Variants in SYNE2 observed in about 807,000 individuals in gnomAD.
The protein encoded by SYNE2 is spectrin repeat containing nuclear envelope protein 2.
Under a neutral mutation model 856.3 loss-of-function variants are expected in SYNE2, and 431 were observed. The observed-to-expected ratio is 0.50, with a 90% CI of 0.47 to 0.55. The LOEUF is 0.55. Ranked by LOEUF, SYNE2 falls within the 20% of genes least tolerant of loss-of-function variation. The probability of loss-of-function intolerance (pLI) is 0.00; values close to 1 mark genes in which losing one functional copy is unlikely to be tolerated. For synonymous variants in SYNE2, 2,923 were observed against 2,872.3 expected (o/e 1.02, Z -0.56); for missense variants, 8,129 against 8,023.2 (o/e 1.01, Z -0.50).
In SYNE2 at chr14:63,769,624, G is replaced by A. The variant is rs553378695; in HGVS notation, c.-305+7638G>A. Among the ~76,000 whole-genome samples, 214 of 142,966 alleles carry A rather than the reference G, an allele frequency of 1.5e-3. 1 individual carries two copies. In the Middle Eastern group the frequency reaches 0.023, roughly 15 times the overall value. 93.8% of individuals were successfully genotyped at this position (142,966 alleles called of 152,430 possible). ...GTGGAGTTTGCAGTGAGTCGAGATC[G>A]CGCCACTGCACTCCAGCCTGGGCAA... On this transcript the variant is annotated intron_variant, in intron 1 of 23. Coordinates refer to the SYNE2 transcript ENST00000674003.
intron 31 of SYNE2, 22 bp from the exon 32 acceptor site, chr14:64,009,944 T>C (rs1401109430): frequency 6.2e-7 from 1 of 1,606,544 alleles, no homozygotes; most frequent in Non-Finnish European, 8.5e-7. Flanking sequence ...CATTTAGCTA[T>C]TGTATATTTT....
chr14:63,992,910 C>G (rs188695764), intron 21 of SYNE2, among the ~76,000 whole-genome samples: 23 of 152,278 alleles, frequency 1.5e-4, no homozygotes, highest in Admixed American at 1.5e-3. Context: ...AGTGAATGAG[C>G]GAATTCCCAC....
At chr14:63,952,270 CA>C (rs2096174447) in intron 7 of SYNE2, among the ~76,000 whole-genome samples, 2 of 152,194 alleles carry the variant, frequency 1.3e-5, no homozygotes, top group African/African-American at 2.4e-5. Context: ...CAGTGCCTGC[CA>C]GTCAGTGCAG....
chr14:64,127,961 A>G (rs574244398), intron 73 of SYNE2, among the ~76,000 whole-genome samples: 53 of 152,356 alleles, frequency 3.5e-4, no homozygotes, highest in Non-Finnish European at 6.3e-4. Context: ...GCAGGTTAAG[A>G]GAGATCTAAG....
Position 64,125,099 on chromosome 14 carries a change from T to C in SYNE2, c.13443T>C (p.Ile4481=). The change falls in exon 71 of 116, where the codon ATT becomes ATC. Residue 4481 remains isoleucine (I), a synonymous_variant. Transcript: ENST00000555002. ...AATAGGTTTCCACAAATATGGGTAT[T>C]CTACCCAGCGTGACTATGTATAACT... is the stretch of plus-strand genomic sequence containing the variant. ...VEPQVSTNMG[I]LPSVTMYNFR... 6.2e-7 allele frequency: 1 copy of C among 1,614,156 alleles called. No homozygotes were observed. The highest frequency in any genetic ancestry group is 8.5e-7 in the Non-Finnish European group (1 of 1,180,008).
intron 54 of SYNE2, among the ~76,000 whole-genome samples, chr14:64,076,474 A>G (rs910799261): frequency 1.3e-5 from 2 of 152,192 alleles, no homozygotes; most frequent in Non-Finnish European, 2.9e-5. Flanking sequence ...TGACATTACA[A>G]CTAAGGCAAT....
rs144314071 is a variant in SYNE2 at position 63,977,491 on chromosome 14, C to T, written c.1294-414C>T. Among the ~76,000 whole-genome samples, 1,509 of 152,258 alleles carry T rather than the reference C, an allele frequency of 9.9e-3. 26 individuals are homozygous for T. Among genetic ancestry groups the T allele is most frequent in the African/African-American group, 0.034 (1,426 of 41,564 alleles). Reference sequence around the variant, plus strand: ...CCTCCCATAGTGCTGGGATTACAGGCGTGAGCCACCACGCCCAGCCAAAAA... The same window carrying T: ...CCTCCCATAGTGCTGGGATTACAGGTGTGAGCCACCACGCCCAGCCAAAAA... On this transcript the variant is annotated intron_variant, in intron 12 of 115. Coordinates refer to ENST00000555002, the MANE Select transcript of SYNE2 (RefSeq NM_182914.3).
At chr14:64,146,594 C>T (rs1462860998) in intron 84 of SYNE2, among the ~76,000 whole-genome samples, 1 of 152,162 alleles carries the variant, frequency 6.6e-6, no homozygotes, top group Non-Finnish European at 1.5e-5. Flanking sequence ...TTTAGCATTT[C>T]ATTCTGTGTT....
At chr14:63,935,724 T>G (rs1211437485) in intron 2 of SYNE2, among the ~76,000 whole-genome samples, 1 of 152,116 alleles carries the variant, frequency 6.6e-6, no homozygotes, top group Non-Finnish European at 1.5e-5. Flanking sequence ...TTAAAAACAT[T>G]ATTATTAGGT....
intron 1 of SYNE2, among the ~76,000 whole-genome samples, chr14:63,817,680 A>G (rs1889048627): frequency 6.6e-6 from 1 of 152,176 alleles, no homozygotes; most frequent in Admixed American, 6.6e-5. Flanking sequence ...TAATCTCTCA[A>G]TACATGCAGA....
At chr14:64,144,052 A>C (rs776145895) in intron 83 of SYNE2, 104 bp downstream of exon 83, 5 of 1,344,402 alleles carry the variant, frequency 3.7e-6, no homozygotes, top group Non-Finnish European at 5.3e-6. Flanking sequence ...TATTAAGCCT[A>C]ATAATCATCT....
intron 1 of SYNE2, among the ~76,000 whole-genome samples, chr14:63,875,980 C>T (rs1462018819): frequency 1.3e-5 from 2 of 152,096 alleles, no homozygotes; most frequent in Non-Finnish European, 2.9e-5. Flanking sequence ...TTAAAGACCC[C>T]TCTGATTGAC....
chr14:64,087,226 C>T (rs1316430521), intron 57 of SYNE2, among the ~76,000 whole-genome samples: 2 of 150,756 alleles, frequency 1.3e-5, no homozygotes, highest in East Asian at 3.9e-4. Context: ...GACTGAAATT[C>T]TAGTTGTGTA....
At chr14:64,136,306 A>C (rs1021853819) in intron 78 of SYNE2, among the ~76,000 whole-genome samples, 7 of 151,838 alleles carry the variant, frequency 4.6e-5, no homozygotes, top group Admixed American at 6.6e-5. Flanking sequence ...AAAAAAAAAA[A>C]AAAAAAATTG....
At chr14:63,872,775 A>T (rs1234324137) in intron 1 of SYNE2, among the ~76,000 whole-genome samples, 1 of 151,694 alleles carries the variant, frequency 6.6e-6, no homozygotes, top group Non-Finnish European at 1.5e-5. Context: ...AAAAAAAAAA[A>T]AAAAAAGATG....
At position 64,225,367 on chromosome 14, in the gene SYNE2, C is replaced by G. The variant is rs767859208; in HGVS notation, c.20565C>G (p.Val6855=). The G allele has an allele frequency of 1.2e-6, 2 of 1,614,030 alleles. No homozygotes were observed. The highest frequency in any genetic ancestry group is 1.7e-6 in the Non-Finnish European group (2 of 1,180,030). ...RPQRSFLSRV[V]RAALPLQLLL... is the part of the protein sequence containing the mutation. Reference sequence around the variant, plus strand: ...AGCGCTCCTTCCTCTCAAGGGTGGTCCGGGCAGCCCTACCCCTGCAGCTGC... The same window carrying G: ...AGCGCTCCTTCCTCTCAAGGGTGGTGCGGGCAGCCCTACCCCTGCAGCTGC... Residue 6855 remains valine (V), a synonymous_variant, in exon 116 of 116, where the codon GTC becomes GTG. Coordinates refer to ENST00000555002, the MANE Select transcript of SYNE2 (RefSeq NM_182914.3).
intron 6 of SYNE2, among the ~76,000 whole-genome samples, chr14:63,945,098 C>G (rs993865610): frequency 1.7e-4 from 22 of 125,936 alleles, no homozygotes; most frequent in African/African-American, 6.3e-4. Flanking sequence ...AGCCACCACA[C>G]CTGGCCTTTT....
In SYNE2 at chr14:64,081,949, G is replaced by A. The variant is rs147522440; in HGVS notation, c.11484+369G>A. Among the ~76,000 whole-genome samples the A allele has an allele frequency of 6.5e-3, 993 of 152,142 alleles. 15 individuals carry two copies. The highest frequency in any genetic ancestry group is 0.023 in the African/African-American group (943 of 41,522). ...AAAATACAAAAAATTAGCTGGGCAC[G>A]GTGGCGGGCGCCTGTAGTCCCAGCT... On this transcript the variant is annotated intron_variant, in intron 57 of 115. Coordinates refer to ENST00000555002, the MANE Select transcript of SYNE2 (RefSeq NM_182914.3).
At chr14:64,174,310 G>T (rs963002363) in intron 94 of SYNE2, among the ~76,000 whole-genome samples, 17 of 152,144 alleles carry the variant, frequency 1.1e-4, no homozygotes, top group African/African-American at 3.9e-4. Flanking sequence ...GAGCTCAACT[G>T]ATCTGCCTGT....
Sources: allele counts gnomAD v4.1 joint callset (sites outside exome capture counted in the v4.1 genomes callset), GRCh38; gene constraint gnomAD v4.1.1; transcripts MANE v1.5; gene names NCBI Gene and HGNC (gene_info 2026-07-23, HGNC 2026-07-21).